The following MAGI2 variants were observed in gnomAD, a reference collection of about 807,000 sequenced individuals.
The protein encoded by MAGI2 is membrane-associated guanylate kinase, WW and PDZ domain-containing protein 2.
A neutral mutation model predicts 133.3 loss-of-function variants in MAGI2; 35 were observed. That is an observed-to-expected ratio of 0.26 (90% confidence interval 0.20 to 0.35). The LOEUF is 0.35. MAGI2 is among the 10% of genes least tolerant of loss of function. The pLI, the probability that MAGI2 is intolerant of heterozygous loss-of-function variation, is 1.00. For synonymous variants in MAGI2, 729 were observed against 710.6 expected, an observed-to-expected ratio of 1.03 and a Z score of -0.41; for missense variants, 1,636 against 1,863.4, an observed-to-expected ratio of 0.88 and a Z score of 2.25.
intron 2 of MAGI2, among the ~76,000 whole-genome samples, chr7:78,956,390 G>T (rs1392665237): frequency 2.0e-5 from 3 of 152,038 alleles, no homozygotes; most frequent in Non-Finnish European, 4.4e-5. Context: ...GTCTCTGCAT[G>T]CATATCTCAT....
At chr7:78,997,583 C>G (rs917981364) in intron 2 of MAGI2, among the ~76,000 whole-genome samples, 8 of 145,518 alleles carry the variant, frequency 5.5e-5, no homozygotes, top group African/African-American at 2.0e-4. Flanking sequence ...GCCTGGGTGA[C>G]AGAGCGAGAC....
intron 1 of MAGI2, among the ~76,000 whole-genome samples, chr7:79,070,894 C>T (rs928563278): frequency 1.6e-4 from 24 of 152,140 alleles, no homozygotes; most frequent in African/African-American, 5.8e-4. Flanking sequence ...AGAACATGCT[C>T]CTCTAGCTCA....
At chr7:78,178,149 C>T in intron 13 of MAGI2, 47 bp from the exon 14 acceptor site, 1 of 1,235,652 alleles carries the variant, frequency 8.1e-7, no homozygotes, top group Middle Eastern at 1.9e-4. Context: ...GCCTCTTTCC[C>T]AGCCCCTGAG....
intron 3 of MAGI2, among the ~76,000 whole-genome samples, chr7:78,535,590 T>G (rs1405062113): frequency 1.6e-4 from 2 of 12,700 alleles, no homozygotes; most frequent in South Asian, 5.6e-3. Flanking sequence ...TCCAAACTGT[T>G]TTTTTTTTTC....
chr7:78,311,692 C>T (rs1240339742), intron 9 of MAGI2, among the ~76,000 whole-genome samples: 1 of 152,076 alleles, frequency 6.6e-6, no homozygotes, highest in African/African-American at 2.4e-5. Context: ...TTTGTAAGTG[C>T]TCACATACTG....
In MAGI2 at chr7:78,407,155, C is replaced by A. The variant is rs368594037; in HGVS notation, c.1046-37942G>T. Among the ~76,000 whole-genome samples, 13 of 152,124 alleles carry A rather than the reference C, an allele frequency of 8.5e-5. 2 individuals are homozygous for A. Among genetic ancestry groups the A allele is most frequent in the East Asian group, 3.9e-4 (2 of 5,184 alleles). Reference sequence around the variant, plus strand: ...AAGTAAGTCTTCCACAAACTCAATGCAGGTGCAAATTCTTTGCTTATGAGA... The same window carrying A: ...AAGTAAGTCTTCCACAAACTCAATGAAGGTGCAAATTCTTTGCTTATGAGA... On this transcript the variant is annotated intron_variant, in intron 6 of 21. Transcript: ENST00000354212.
intron 2 of MAGI2, among the ~76,000 whole-genome samples, chr7:78,777,718 G>A (rs1193605367): frequency 2.0e-5 from 3 of 152,054 alleles, no homozygotes; most frequent in Non-Finnish European, 4.4e-5. Flanking sequence ...CAATTACCTT[G>A]ATATAAAACA....
At chr7:78,066,166 A>T (rs1217529321) in intron 21 of MAGI2, among the ~76,000 whole-genome samples, 1 of 152,176 alleles carries the variant, frequency 6.6e-6, no homozygotes, top group African/African-American at 2.4e-5. Flanking sequence ...TTGCGTATTA[A>T]ATTCAAAATT....
intron 1 of MAGI2, among the ~76,000 whole-genome samples, chr7:79,340,625 T>C (rs1388703375): frequency 6.6e-6 from 1 of 152,172 alleles, no homozygotes; most frequent in Non-Finnish European, 1.5e-5. Flanking sequence ...TTGGTATTAA[T>C]TGTCTGCCAG....
intron 2 of MAGI2, among the ~76,000 whole-genome samples, chr7:78,808,740 G>C (rs1788793975): frequency 6.6e-6 from 1 of 152,220 alleles, no homozygotes; most frequent in East Asian, 1.9e-4. Flanking sequence ...AATTCAAATA[G>C]GGTGAACCAC....
chr7:78,149,307 G>A (rs189064771), intron 16 of MAGI2, among the ~76,000 whole-genome samples: 17 of 152,240 alleles, frequency 1.1e-4, no homozygotes, highest in Admixed American at 9.2e-4. Flanking sequence ...TAATGTATCC[G>A]TCTTATATCT....
rs559130021 is a variant in MAGI2 at position 79,077,200 on chromosome 7, T to C, written c.302-69994A>G. On this transcript the variant is annotated intron_variant, in intron 1 of 21. Coordinates refer to ENST00000354212, the MANE Select transcript of MAGI2 (RefSeq NM_012301.4). ...TTTTTGTACTGTGGTTCCTATTTCC[T>C]AGCCCCCATCTGATTCTTGGTTCTG... 2.6e-4 allele frequency among the ~76,000 whole-genome samples: 40 copies of C among 152,278 alleles called. 1 individual carries two copies. In the South Asian group the frequency reaches 7.9e-3, roughly 30 times the overall value.
intron 10 of MAGI2, among the ~76,000 whole-genome samples, chr7:78,203,168 C>G (rs1318840374): frequency 1.3e-5 from 2 of 152,172 alleles, no homozygotes; most frequent in Admixed American, 1.3e-4. Context: ...ATGATTTCCT[C>G]TACTTTCTTT....
intron 1 of MAGI2, among the ~76,000 whole-genome samples, chr7:79,267,707 C>A (rs947132849): frequency 6.6e-6 from 1 of 152,020 alleles, no homozygotes; most frequent in Non-Finnish European, 1.5e-5. Context: ...TGACAATAGA[C>A]AGATAGAAGG....
chr7:79,240,524 G>A (rs1224994323), intron 1 of MAGI2, among the ~76,000 whole-genome samples: 1 of 152,028 alleles, frequency 6.6e-6, no homozygotes, highest in Non-Finnish European at 1.5e-5. Context: ...AGCAAAAAAT[G>A]TGCAATTTAT....
intron 20 of MAGI2, among the ~76,000 whole-genome samples, chr7:78,120,055 A>G (rs1820279514): frequency 1.3e-5 from 2 of 152,192 alleles, no homozygotes; most frequent in South Asian, 4.1e-4. Flanking sequence ...ATTTTTCCAT[A>G]TTTATACATG....
chr7:79,228,354 CAAA>C lies in MAGI2; in HGVS notation c.302-221151_302-221149del, dbSNP rs746424350. Among the ~76,000 whole-genome samples, 262 of 31,436 alleles carry C rather than the reference CAAA, an allele frequency of 8.3e-3. 27 individuals carry two copies. Among genetic ancestry groups the C allele is most frequent in the Middle Eastern group, 0.042 (2 of 48 alleles). The allele number at this position is 31,436 out of a possible 152,430, so 20.6% of individuals were successfully genotyped here. On this transcript the variant is annotated intron_variant, in intron 1 of 21. Transcript: ENST00000354212. ...CAAGACCCTGTCTCAAAAAAACAGG[CAAA>C]AAAAAAAAAAAAAGATCGTGGGATT...
chr7:79,248,033 G>C (rs1316866248), intron 1 of MAGI2, among the ~76,000 whole-genome samples: 7 of 152,014 alleles, frequency 4.6e-5, no homozygotes, highest in African/African-American at 1.7e-4. Context: ...TAATAACATT[G>C]AATGTAAATG....
chr7:78,769,656 G>A (rs1157751462), intron 2 of MAGI2, among the ~76,000 whole-genome samples: 1 of 152,156 alleles, frequency 6.6e-6, no homozygotes, highest in Non-Finnish European at 1.5e-5. Context: ...CAGAGATATG[G>A]AGCCATTTTT....
Sources: allele counts gnomAD v4.1 joint callset (sites outside exome capture counted in the v4.1 genomes callset), GRCh38; gene constraint gnomAD v4.1.1; transcripts MANE v1.5; gene names NCBI Gene and HGNC (gene_info 2026-07-23, HGNC 2026-07-21).